Variants in OSBPL6 observed in about 807,000 individuals in gnomAD.
OSBPL6 encodes the protein oxysterol-binding protein-related protein 6.
A neutral mutation model predicts 125.8 loss-of-function variants in OSBPL6; 49 were observed. That is an observed-to-expected ratio of 0.39 (90% CI 0.31 to 0.49). The LOEUF is 0.49. Ranked by LOEUF, OSBPL6 falls within the 20% of genes least tolerant of loss-of-function variation. The pLI is 0.88. For missense variants in OSBPL6, 986 were observed against 1,135.4 expected (o/e 0.87, Z 1.89); for synonymous variants, 394 against 391.8 (o/e 1.01, Z -0.07).
chr2:178,290,657 A>G (rs1685172532), intron 2 of OSBPL6, among the ~76,000 whole-genome samples: 2 of 152,144 alleles, frequency 1.3e-5, no homozygotes, highest in African/African-American at 4.8e-5. Context: ...TTTTTGATAC[A>G]ACAGGTTGCC....
At chr2:178,349,520 T>C in intron 12 of OSBPL6, 131 bp downstream of exon 12, 2 of 1,096,334 alleles carry the variant, frequency 1.8e-6, no homozygotes, top group Non-Finnish European at 2.6e-6. Flanking sequence ...GTTGAAGTTC[T>C]ATATACAAAA....
chr2:178,228,302 A>C (rs538896339), intron 1 of OSBPL6, among the ~76,000 whole-genome samples: 1 of 152,304 alleles, frequency 6.6e-6, no homozygotes, highest in East Asian at 1.9e-4. Flanking sequence ...TTGGGAGGCC[A>C]AGGTGGGCAT....
rs142751449 is a variant in OSBPL6, at chr2:178,361,747, G to T, written c.1219G>T (p.Val407Phe). 2 of 1,614,038 alleles carry T rather than the reference G, an allele frequency of 1.2e-6. No individual in the cohort carries two copies. Among genetic ancestry groups the T allele is most frequent in the African/African-American group, 2.7e-5 (2 of 74,914 alleles). Residue 407 changes from valine to phenylalanine, a missense_variant, in exon 13 of 25, where the codon GTT becomes TTT. By Grantham distance (50) the Val-to-Phe change is conservative. Coordinates refer to ENST00000190611, the MANE Select transcript of OSBPL6 (RefSeq NM_032523.4). ...AGAGAAGGAGAAGCTGAAGCAGATG[G>T]TTTCCGAGCAGGATCACAGTAAAGG... is the stretch of plus-strand genomic sequence containing the variant. The part of the protein sequence containing the change: ...AIEKEKLKQM[V>F]SEQDHSKGHS...
Position 178,318,517 on chromosome 2 carries a change from T to C in OSBPL6, c.103-5660T>C, listed in dbSNP as rs567171216. 3.9e-5 allele frequency among the ~76,000 whole-genome samples: 6 copies of C among 152,356 alleles called. 1 individual carries two copies. Among genetic ancestry groups the C allele is most frequent in the African/African-American group, 1.4e-4 (6 of 41,582 alleles). ...TTCAGCCATGGCCTTTTGGCTTTGG[T>C]GATTTTAATATTTTATGCTAGTGCA... On this transcript the variant is annotated intron_variant, in intron 3 of 24. Coordinates refer to ENST00000190611, the MANE Select transcript of OSBPL6 (RefSeq NM_032523.4).
chr2:178,208,498 T>C (rs2089658497), intron 1 of OSBPL6, among the ~76,000 whole-genome samples: 1 of 152,172 alleles, frequency 6.6e-6, no homozygotes, highest in Non-Finnish European at 1.5e-5. Context: ...TCAAGATCCT[T>C]TCAAAATACT....
In OSBPL6 at chr2:178,336,401, A is replaced by C. The variant is rs765388743; in HGVS notation, c.758A>C (p.Gln253Pro). The change falls in exon 9 of 25, where the codon CAG becomes CCG. Residue 253 changes from glutamine to proline, a missense_variant. Gln to Pro is a moderately conservative substitution (Grantham distance 76). Coordinates refer to ENST00000190611, the MANE Select transcript of OSBPL6 (RefSeq NM_032523.4). ...CAGAGTAAAGTGGCAGCCTGGTTAC[A>C]GGACTCGGAAGAGATGGACAGGTGT... ...TGQSKVAAWL[Q>P]DSEEMDRCAE... 6.2e-7 allele frequency: 1 copy of C among 1,614,132 alleles called. No homozygotes were observed. The highest frequency in any genetic ancestry group is 1.7e-5 in the Admixed American group (1 of 60,018).
intron 1 of OSBPL6, among the ~76,000 whole-genome samples, chr2:178,203,498 G>A (rs1559111459): frequency 6.6e-6 from 1 of 152,138 alleles, no homozygotes; most frequent in Admixed American, 6.5e-5. Context: ...CGAACATACG[G>A]AATATAATTA....
In OSBPL6 at chr2:178,395,637, A is replaced by ATG; in HGVS notation, c.*83_*84dup. 8.6e-7 allele frequency: 1 copy of ATG among 1,166,378 alleles called. No individual in the cohort carries two copies. The highest frequency in any genetic ancestry group is 1.3e-6 in the Non-Finnish European group (1 of 797,720). The allele number at this position is 1,166,378 out of a possible 1,614,324, so 72.3% of individuals were successfully genotyped here. On this transcript the variant is annotated 3_prime_UTR_variant, in exon 25 of 25. Coordinates refer to ENST00000190611, the MANE Select transcript of OSBPL6 (RefSeq NM_032523.4). ...ATGCACAATTATGTTTCTTATAGCT[A>ATG]TGTGTGGTTTCTGGGTCAACTGAAA...
At chr2:178,297,577 T>C (rs1685873099) in intron 2 of OSBPL6, among the ~76,000 whole-genome samples, 1 of 152,266 alleles carries the variant, frequency 6.6e-6, no homozygotes. Flanking sequence ...TGAATGGCTT[T>C]TGTGGCTCAT....
In OSBPL6 at chr2:178,306,102, A is replaced by T. The variant is rs1007908453; in HGVS notation, c.-83A>T. On this transcript the variant is annotated 5_prime_UTR_variant, in exon 3 of 25. Transcript: ENST00000190611. ...GATTCATGAAATGGAATGAAGCTGA[A>T]AAATCATCTACTTCTTTGTTTGTGG... 39 of 890,302 alleles carry T rather than the reference A, an allele frequency of 4.4e-5. No homozygotes were observed. In the African/African-American group the frequency reaches 6.3e-4, roughly 14 times the overall value. The allele number at this position is 890,302 out of a possible 1,614,324, so 55.2% of individuals were successfully genotyped here.
At chr2:178,391,425 T>A (rs1695396497) in intron 22 of OSBPL6, among the ~76,000 whole-genome samples, 1 of 152,196 alleles carries the variant, frequency 6.6e-6, no homozygotes, top group South Asian at 2.1e-4. Context: ...TAATAAAGAA[T>A]GTAGGCCAAA....
chr2:178,197,666 G>A (rs576285869), intron 1 of OSBPL6, among the ~76,000 whole-genome samples: 1 of 152,202 alleles, frequency 6.6e-6, no homozygotes, highest in South Asian at 2.1e-4. Flanking sequence ...AAAAAGTTAT[G>A]TAAATGTGGT....
chr2:178,344,233 T>C, intron 11 of OSBPL6: 1 of 1,461,826 alleles, frequency 6.8e-7, no homozygotes, highest in Non-Finnish European at 9.6e-7. Context: ...CCATCTTCCA[T>C]CCTTTCCTCC....
intron 1 of OSBPL6, among the ~76,000 whole-genome samples, chr2:178,224,602 A>G (rs1485902705): frequency 6.6e-6 from 1 of 152,202 alleles, no homozygotes; most frequent in Non-Finnish European, 1.5e-5. Context: ...TGTTTCTTTC[A>G]TGAATCAGAA....
chr2:178,379,307 G>GAAGA (rs776113987), intron 15 of OSBPL6, among the ~76,000 whole-genome samples: 5,450 of 114,580 alleles, frequency 0.048, 148 homozygotes, highest in Non-Finnish European at 0.063. Flanking sequence ...AAGAAAGAAA[G>GAAGA]AAACAGGAAG....
chr2:178,339,141 A>G (rs184224047), intron 10 of OSBPL6, 47 bp downstream of exon 10: 1 of 1,208,618 alleles, frequency 8.3e-7, no homozygotes, highest in East Asian at 2.4e-5. Flanking sequence ...GTATTAATTA[A>G]TACTCTTTAT....
chr2:178,335,374 T>C (rs961221504), intron 8 of OSBPL6, among the ~76,000 whole-genome samples: 8 of 152,212 alleles, frequency 5.3e-5, no homozygotes, highest in Admixed American at 4.6e-4. Flanking sequence ...CTCTGGTTAA[T>C]GACATACCTC....
intron 18 of OSBPL6, among the ~76,000 whole-genome samples, chr2:178,384,547 C>A (rs558367533): frequency 6.6e-6 from 1 of 152,298 alleles, no homozygotes; most frequent in South Asian, 2.1e-4. Flanking sequence ...AGGTTGCATT[C>A]TTTTGGGTCT....
intron 1 of OSBPL6, among the ~76,000 whole-genome samples, chr2:178,212,866 G>A (rs961531473): frequency 6.6e-6 from 1 of 151,370 alleles, no homozygotes; most frequent in Non-Finnish European, 1.5e-5. Flanking sequence ...AGAGTGCAAT[G>A]GTGCTATCTC....
Sources: allele counts gnomAD v4.1 joint callset (sites outside exome capture counted in the v4.1 genomes callset), GRCh38; gene constraint gnomAD v4.1.1; transcripts MANE v1.5; gene names NCBI Gene and HGNC (gene_info 2026-07-23, HGNC 2026-07-21).